The following ATE1 variants were observed in gnomAD, a reference collection of about 807,000 sequenced individuals.
The protein encoded by ATE1 is arginyltransferase 1.
Under a neutral mutation model 70.5 loss-of-function variants are expected in ATE1, and 36 were observed. The observed-to-expected ratio is 0.51, with a 90% CI of 0.39 to 0.67. The LOEUF (loss-of-function observed/expected upper bound fraction) is 0.67, where lower values mean the gene tolerates loss of function less well. Ranked by LOEUF, ATE1 falls within the 30% of genes least tolerant of loss-of-function variation. ATE1 has a pLI of 0.00. For missense variants in ATE1, 593 were observed against 629.5 expected (o/e 0.94, Z 0.62); for synonymous variants, 232 against 219.3 (o/e 1.06, Z -0.51).
intron 11 of ATE1, among the ~76,000 whole-genome samples, chr10:121,753,803 C>T (rs931313094): frequency 3.3e-5 from 5 of 152,116 alleles, no homozygotes; most frequent in Non-Finnish European, 7.3e-5. Context: ...ATGAAAGAAA[C>T]GTAAATTAAA....
intron 7 of ATE1, among the ~76,000 whole-genome samples, chr10:121,885,773 G>A (rs954999283): frequency 1.3e-5 from 2 of 151,796 alleles, no homozygotes; most frequent in Non-Finnish European, 2.9e-5. Flanking sequence ...GGAGTCATGC[G>A]CCTGTAGTCC....
intron 7 of ATE1, among the ~76,000 whole-genome samples, chr10:121,884,532 G>A (rs12262776): frequency 0.13 from 20,035 of 152,026 alleles, 1,516 homozygotes; most frequent in East Asian, 0.19. Flanking sequence ...CAAGGCTGCC[G>A]TGAGCTATGA....
Position 121,790,284 on chromosome 10 carries a change from C to A in ATE1, c.1263G>T (p.Gln421His), listed in dbSNP as rs1564840015. 1.2e-6 allele frequency: 2 copies of A among 1,613,274 alleles called. No homozygotes were observed. Among genetic ancestry groups the A allele is most frequent in the East Asian group, 4.5e-5 (2 of 44,862 alleles). ...HSCPKMKYKG[Q>H]YRPSDLLCPE... is the part of the protein sequence containing the mutation. ...GGCACAGCAAATCAGAAGGTCTATA[C>A]TGACCCTGAAGAAAAGTGAAGGAAA... is the stretch of plus-strand genomic sequence containing the variant. The change falls in exon 11 of 12, where the codon CAG becomes CAT. Residue 421 changes from glutamine (Q) to histidine (H), a missense_variant. By Grantham distance (24) the Gln-to-His change is conservative (BLOSUM62 0). This residue lies in a region of ATE1 where 36 missense variants were observed against 66.3 expected (regional missense o/e 0.54). Transcript: ENST00000224652.
At chr10:121,859,266 T>A (rs934645987) in intron 8 of ATE1, among the ~76,000 whole-genome samples, 7 of 150,986 alleles carry the variant, frequency 4.6e-5, no homozygotes, top group East Asian at 3.9e-4. Context: ...TTTTATTTTT[T>A]TTTTTTTTGA....
intron 8 of ATE1, among the ~76,000 whole-genome samples, chr10:121,842,393 A>G (rs1373591597): frequency 2.6e-5 from 4 of 152,208 alleles, no homozygotes; most frequent in African/African-American, 4.8e-5. Context: ...AATTCAAGTG[A>G]ACAAATATAA....
At chr10:121,780,035 C>G (rs1362080019) in intron 11 of ATE1, among the ~76,000 whole-genome samples, 1 of 152,184 alleles carries the variant, frequency 6.6e-6, no homozygotes, top group African/African-American at 2.4e-5. Context: ...CTGCTCTTCA[C>G]TCCAGAAGGC....
At chr10:121,783,527 G>A (rs7085499) in intron 11 of ATE1, among the ~76,000 whole-genome samples, 69,921 of 117,444 alleles carry the variant, frequency 0.6, 16,173 homozygotes, top group South Asian at 0.68. Context: ...AGTCTAACTG[G>A]CAGCACTTTT....
At chr10:121,856,584 A>G (rs1319568575) in intron 8 of ATE1, among the ~76,000 whole-genome samples, 3 of 152,244 alleles carry the variant, frequency 2.0e-5, no homozygotes, top group Non-Finnish European at 2.9e-5. Flanking sequence ...GTTTTGTTCC[A>G]GACCACTGCA....
intron 10 of ATE1, among the ~76,000 whole-genome samples, chr10:121,821,672 G>A (rs182718139): frequency 6.6e-6 from 1 of 152,324 alleles, no homozygotes; most frequent in East Asian, 1.9e-4. Context: ...CTTGAGGTCA[G>A]GAGTTCAAGG....
intron 10 of ATE1, among the ~76,000 whole-genome samples, chr10:121,818,601 AT>A: frequency 6.6e-6 from 1 of 152,302 alleles, no homozygotes; most frequent in African/African-American, 2.4e-5. Flanking sequence ...AAAATCCTTT[AT>A]TTTTAAATGA....
intron 10 of ATE1, among the ~76,000 whole-genome samples, chr10:121,825,162 AAT>A (rs1289011405): frequency 4.0e-5 from 6 of 151,874 alleles, no homozygotes; most frequent in Non-Finnish European, 5.9e-5. Flanking sequence ...TTTATTAAAT[AAT>A]ATAGTTTCCA....
chr10:121,796,286 T>C (rs1946655917), intron 10 of ATE1, among the ~76,000 whole-genome samples: 1 of 152,178 alleles, frequency 6.6e-6, no homozygotes. Context: ...CCTGAAAAAG[T>C]TAAAAAATAA....
At chr10:121,776,282 CTG>C (rs1422900671) in intron 11 of ATE1, among the ~76,000 whole-genome samples, 4 of 152,106 alleles carry the variant, frequency 2.6e-5, no homozygotes, top group Non-Finnish European at 5.9e-5. Context: ...TTTTATCTAA[CTG>C]TATTTTTATT....
At chr10:121,803,236 CAATA>C (rs1341306083) in intron 10 of ATE1, among the ~76,000 whole-genome samples, 4 of 152,108 alleles carry the variant, frequency 2.6e-5, no homozygotes, top group African/African-American at 9.7e-5. Context: ...ACCGAATTCT[CAATA>C]AATACTTATT....
chr10:121,745,681 G>C lies in ATE1; in HGVS notation c.1379-1823C>G, dbSNP rs535640549. Among the ~76,000 whole-genome samples, 292 of 152,178 alleles carry C rather than the reference G, an allele frequency of 1.9e-3. 1 individual carries two copies. Among genetic ancestry groups the C allele is most frequent in the East Asian group, 6.6e-3 (34 of 5,162 alleles). On this transcript the variant is annotated intron_variant, in intron 11 of 11. Transcript: ENST00000224652. ...GGCGGAGTTTGCAGTGAGCCGAGAT[G>C]GCATCACTGCACTCCAGCCTGGGCG...
chr10:121,840,575 A>G (rs145391529), intron 9 of ATE1, among the ~76,000 whole-genome samples: 11 of 152,242 alleles, frequency 7.2e-5, no homozygotes, highest in Non-Finnish European at 5.9e-5. Context: ...AAATGTATAA[A>G]CAACAAAAGC....
At chr10:121,894,164 A>G (rs1366663087) in intron 7 of ATE1, among the ~76,000 whole-genome samples, 1 of 144,826 alleles carries the variant, frequency 6.9e-6, no homozygotes, top group African/African-American at 2.6e-5. Context: ...GGAACAGAGG[A>G]AAAAAAAAAA....
chr10:121,910,030 C>A (rs575666357), intron 5 of ATE1, among the ~76,000 whole-genome samples: 1 of 152,070 alleles, frequency 6.6e-6, no homozygotes, highest in African/African-American at 2.4e-5. Context: ...GGCGGCAGAG[C>A]AAGACCCTGT....
chr10:121,883,421 T>C (rs1304713577), intron 7 of ATE1, among the ~76,000 whole-genome samples: 1 of 152,130 alleles, frequency 6.6e-6, no homozygotes, highest in Non-Finnish European at 1.5e-5. Flanking sequence ...GAACAAATGC[T>C]AATACTAGAC....
Sources: allele counts gnomAD v4.1 joint callset (sites outside exome capture counted in the v4.1 genomes callset), GRCh38; gene constraint gnomAD v4.1.1; regional missense constraint gnomAD v4.1.1; transcripts MANE v1.5; gene names NCBI Gene and HGNC (gene_info 2026-07-23, HGNC 2026-07-21).